The following EPB41L4A variants were observed in gnomAD, a reference collection of about 807,000 sequenced individuals.
The protein encoded by EPB41L4A is erythrocyte membrane protein band 4.1 like 4A.
A neutral mutation model predicts 108.6 loss-of-function variants in EPB41L4A; 100 were observed. That is an observed-to-expected ratio of 0.92 (90% confidence interval 0.78 to 1.09). EPB41L4A has a LOEUF of 1.09. Among genes scored for constraint, EPB41L4A ranks in the 50% least tolerant of loss-of-function variants. The probability of loss-of-function intolerance (pLI) is 0.00; values close to 1 mark genes in which losing one functional copy is unlikely to be tolerated. For missense variants in EPB41L4A, 1,030 were observed against 842.7 expected (o/e 1.22, Z -2.75); for synonymous variants, 319 against 289.0 (o/e 1.10, Z -1.05).
At chr5:112,230,708 T>C (rs774416673) in intron 12 of EPB41L4A, among the ~76,000 whole-genome samples, 2 of 152,242 alleles carry the variant, frequency 1.3e-5, no homozygotes, top group Non-Finnish European at 2.9e-5. Context: ...TCCTTTGCTG[T>C]GCAGAAGCTT....
intron 1 of EPB41L4A, among the ~76,000 whole-genome samples, chr5:112,336,718 G>A (rs1300601586): frequency 6.6e-6 from 1 of 152,186 alleles, no homozygotes; most frequent in Non-Finnish European, 1.5e-5. Flanking sequence ...TGGTGGCTGT[G>A]CCACTGAGAT....
chr5:112,245,398 A>G (rs890841864), intron 9 of EPB41L4A, among the ~76,000 whole-genome samples: 7 of 152,220 alleles, frequency 4.6e-5, no homozygotes, highest in South Asian at 2.1e-4. Flanking sequence ...TAAGGACAGA[A>G]TATTTATATG....
chr5:112,164,846 AAAGAAGC>A lies in EPB41L4A; in HGVS notation c.*137_*143del. The stretch of plus-strand genomic sequence containing the variant: ...GATAACATCTCAAAAAAAAAAAAAA[AAAGAAGC>A]AAAAGATAATGTATTTTCTCATGCT... On this transcript the variant is annotated 3_prime_UTR_variant, in exon 23 of 23. Coordinates refer to ENST00000261486, the MANE Select transcript of EPB41L4A (RefSeq NM_022140.5). 1.0e-6 allele frequency: 1 copy of A among 979,012 alleles called. No homozygotes were observed. Among genetic ancestry groups the A allele is most frequent in the Non-Finnish European group, 1.4e-6 (1 of 701,470 alleles). 60.6% of individuals were successfully genotyped at this position (979,012 alleles called of 1,614,324 possible). A position where few individuals can be genotyped will look rare whatever the true frequency, so the allele number is the denominator to read the frequency against.
chr5:112,376,027 C>A (rs9885177), intron 1 of EPB41L4A, among the ~76,000 whole-genome samples: 1 of 152,080 alleles, frequency 6.6e-6, no homozygotes, highest in Non-Finnish European at 1.5e-5. Flanking sequence ...AAAACCAATA[C>A]ACTGGATTTC....
chr5:112,387,406 C>T (rs1452066800), intron 1 of EPB41L4A, among the ~76,000 whole-genome samples: 2 of 152,166 alleles, frequency 1.3e-5, no homozygotes. Context: ...GCGGGCAGAT[C>T]ACAGGGTCAG....
intron 12 of EPB41L4A, among the ~76,000 whole-genome samples, chr5:112,231,791 CAAAAAAAAAAAAAAA>C (rs777370941): frequency 5.3e-5 from 2 of 37,618 alleles, no homozygotes; most frequent in Non-Finnish European, 8.9e-5. Context: ...GACTCCGTCT[CAAAAAAAAAAAAAAA>C]AAAAAAAAAA....
chr5:112,418,690 G>A (rs1762867672), intron 1 of EPB41L4A, among the ~76,000 whole-genome samples: 1 of 152,140 alleles, frequency 6.6e-6, no homozygotes, highest in African/African-American at 2.4e-5. Context: ...GAGTTTTGGG[G>A]TGCTGCTGGG....
intron 13 of EPB41L4A, among the ~76,000 whole-genome samples, chr5:112,208,297 T>C (rs1009919463): frequency 6.7e-5 from 10 of 148,150 alleles, no homozygotes; most frequent in Non-Finnish European, 1.5e-4. Context: ...TGCAGCACTA[T>C]TCACAATAGC....
chr5:112,235,987 T>G (rs1403153693), intron 11 of EPB41L4A, among the ~76,000 whole-genome samples: 2 of 152,182 alleles, frequency 1.3e-5, no homozygotes, highest in African/African-American at 4.8e-5. Flanking sequence ...GTGAAAAGTT[T>G]CATTATTATA....
intron 1 of EPB41L4A, among the ~76,000 whole-genome samples, chr5:112,391,718 G>A (rs1032769394): frequency 2.0e-5 from 3 of 152,056 alleles, no homozygotes; most frequent in Non-Finnish European, 4.4e-5. Context: ...TCAAATTCAG[G>A]AAATACAGAG....
intron 2 of EPB41L4A, among the ~76,000 whole-genome samples, chr5:112,293,118 A>G (rs1447569330): frequency 6.6e-6 from 1 of 152,234 alleles, no homozygotes; most frequent in Non-Finnish European, 1.5e-5. Flanking sequence ...ATATATATAT[A>G]CATGTATGTA....
intron 1 of EPB41L4A, among the ~76,000 whole-genome samples, chr5:112,386,085 T>C (rs1722095053): frequency 6.6e-6 from 1 of 152,250 alleles, no homozygotes; most frequent in Non-Finnish European, 1.5e-5. Context: ...CATAATGGAA[T>C]GAAGTGATGC....
chr5:112,321,809 G>A (rs1755800700), intron 1 of EPB41L4A, among the ~76,000 whole-genome samples: 1 of 152,166 alleles, frequency 6.6e-6, no homozygotes, highest in South Asian at 2.1e-4. Context: ...TATACTAACT[G>A]AAGATGGTGC....
chr5:112,380,105 G>C (rs897464963), intron 1 of EPB41L4A, among the ~76,000 whole-genome samples: 6 of 152,136 alleles, frequency 3.9e-5, no homozygotes, highest in African/African-American at 1.4e-4. Context: ...CTCTTGGAGA[G>C]CTTAGCCCTA....
chr5:112,242,835 C>T (rs1749896948), intron 9 of EPB41L4A, among the ~76,000 whole-genome samples: 1 of 152,188 alleles, frequency 6.6e-6, no homozygotes, highest in African/African-American at 2.4e-5. Flanking sequence ...TCTAGAGTAA[C>T]TAGGTGCACT....
Position 112,170,987 on chromosome 5 carries a change from C to A in EPB41L4A, c.1628G>T (p.Ser543Ile), listed in dbSNP as rs1178728950. 2 of 1,613,320 alleles carry A rather than the reference C, an allele frequency of 1.2e-6. No individual in the cohort carries two copies. The change falls in exon 19 of 23, where the codon AGC (serine) becomes ATC (isoleucine). Residue 543 changes from serine (S) to isoleucine (I), a missense_variant. Coordinates refer to ENST00000261486, the MANE Select transcript of EPB41L4A (RefSeq NM_022140.5). ...CTCTTCTTTTGCTTGGATATCGGGGCTTCTCCTATAAATAGAGAAAACAAC... is the reference window on the plus strand; with the variant it reads ...CTCTTCTTTTGCTTGGATATCGGGGATTCTCCTATAAATAGAGAAAACAAC... The part of the protein sequence containing the change: ...RRSRHRSRSR[S>I]PDIQAKEELW...
chr5:112,229,174 C>T (rs1388841815), intron 12 of EPB41L4A, among the ~76,000 whole-genome samples: 1 of 152,154 alleles, frequency 6.6e-6, no homozygotes, highest in Non-Finnish European at 1.5e-5. Context: ...TAACCCCCAT[C>T]ACGACTTTTT....
rs1157630809 is a variant in EPB41L4A, at chr5:112,394,953, C to T, written c.99+23988G>A. Among the ~76,000 whole-genome samples the T allele has an allele frequency of 4.6e-5, 7 of 152,304 alleles. No individual in the cohort carries two copies. The South Asian group carries it at 1.0e-3, about 23-fold the overall frequency. On this transcript the variant is annotated intron_variant, in intron 1 of 22. Transcript: ENST00000261486. ...AGAAATAACACCACACATCGACAACCATCTGATCTTTGACAAACCTGACAA... is the reference window on the plus strand; with the variant it reads ...AGAAATAACACCACACATCGACAACTATCTGATCTTTGACAAACCTGACAA...
In EPB41L4A at chr5:112,259,285, T is replaced by C; in HGVS notation, c.739A>G (p.Ile247Val). 1 of 1,613,868 alleles carries C rather than the reference T, an allele frequency of 6.2e-7. No individual in the cohort carries two copies. Among genetic ancestry groups the C allele is most frequent in the South Asian group, 1.1e-5 (1 of 91,076 alleles). ...GTCTCCTTGAAGTGAACCTTTGTAA[T>C]CCGAGGCCTAAAAAACAAAGCAGAT... Reference protein sequence around the residue: ...KQVGKYFWPRITKVHFKETQF... With the variant: ...KQVGKYFWPRVTKVHFKETQF... Residue 247 changes from isoleucine to valine, a missense_variant, in exon 9 of 23, where the codon ATT becomes GTT. Ile to Val is a conservative substitution (Grantham distance 29, BLOSUM62 3). Transcript: ENST00000261486.
Sources: gnomAD v4.1 joint callset for allele counts (sites outside exome capture counted in the v4.1 genomes callset) on GRCh38, gnomAD v4.1.1 for gene constraint, MANE v1.5 for transcripts, NCBI Gene and HGNC (gene_info 2026-07-23, HGNC 2026-07-21) for gene names.